The following ACTR3C variants were observed in gnomAD, a reference collection of about 807,000 sequenced individuals.
ACTR3C encodes actin related protein 3C.
Under a neutral mutation model 26.3 loss-of-function variants are expected in ACTR3C, and 18 were observed. That is an observed-to-expected ratio of 0.68 (90% CI 0.47 to 1.01). The LOEUF (loss-of-function observed/expected upper bound fraction) is 1.01. Among genes scored for constraint, ACTR3C ranks in the 50% least tolerant of loss-of-function variants. The probability of loss-of-function intolerance (pLI) is 0.00; values close to 1 mark genes in which losing one functional copy is unlikely to be tolerated. For missense variants in ACTR3C, 184 were observed against 250.7 expected (o/e 0.73, Z 1.80); for synonymous variants, 55 against 94.5 (o/e 0.58, Z 2.42).
intron 6 of ACTR3C, among the ~76,000 whole-genome samples, chr7:150,257,873 G>A (rs1391228711): frequency 6.6e-6 from 1 of 152,010 alleles, no homozygotes; most frequent in Non-Finnish European, 1.5e-5. Flanking sequence ...AATAAGTTTG[G>A]TGGTGGCTCT....
chr7:150,320,096 T>C (rs1003699231), intron 1 of ACTR3C, among the ~76,000 whole-genome samples: 11 of 152,238 alleles, frequency 7.2e-5, no homozygotes, highest in Middle Eastern at 3.2e-3. Context: ...TCTGAGCCCA[T>C]AGTGTGGATC....
At chr7:149,919,809 C>T in the ACTR3C span, among the ~76,000 whole-genome samples, 1 of 151,874 alleles carries the variant, frequency 6.6e-6, no homozygotes, top group Non-Finnish European at 1.5e-5. Context: ...CAAAGGTATA[C>T]AAAGTCTGTT....
chr7:149,972,990 G>C, the ACTR3C span, among the ~76,000 whole-genome samples: 22 of 151,628 alleles, frequency 1.5e-4, no homozygotes, highest in Non-Finnish European at 2.9e-4. Flanking sequence ...GGTAAGCCCC[G>C]TGCATGGGCA....
At chr7:150,047,083 TAGG>T in the ACTR3C span, among the ~76,000 whole-genome samples, 2 of 150,798 alleles carry the variant, frequency 1.3e-5, no homozygotes, top group African/African-American at 4.9e-5. Flanking sequence ...AAAAAGTGTC[TAGG>T]AGAAGTAAGA....
the ACTR3C span, among the ~76,000 whole-genome samples, chr7:150,029,709 G>T: frequency 6.6e-6 from 1 of 151,982 alleles, no homozygotes; most frequent in Non-Finnish European, 1.5e-5. Flanking sequence ...GACTCCCCAT[G>T]ACCTTAAAAA....
chr7:150,314,767 T>G (rs1311333349), intron 1 of ACTR3C, among the ~76,000 whole-genome samples: 1 of 128,104 alleles, frequency 7.8e-6, no homozygotes, highest in Admixed American at 8.4e-5. Flanking sequence ...AAATCCCATC[T>G]CTCCAAAAAA....
the ACTR3C span, among the ~76,000 whole-genome samples, chr7:149,926,998 G>A: frequency 6.6e-6 from 1 of 151,958 alleles, no homozygotes; most frequent in African/African-American, 2.4e-5. Context: ...ACAGCACGCA[G>A]GGCCTCATTA....
the ACTR3C span, among the ~76,000 whole-genome samples, chr7:150,092,903 CT>C: frequency 6.6e-6 from 1 of 151,440 alleles, no homozygotes; most frequent in Non-Finnish European, 1.5e-5. Context: ...CCAGAACCCC[CT>C]GTGGATACCG....
the ACTR3C span, among the ~76,000 whole-genome samples, chr7:150,165,472 T>C: frequency 6.6e-6 from 1 of 151,502 alleles, no homozygotes; most frequent in East Asian, 1.9e-4. Context: ...TTTGTTTATG[T>C]ACTTTCTTGG....
the ACTR3C span, among the ~76,000 whole-genome samples, chr7:150,091,407 G>A: frequency 2.4e-5 from 1 of 42,510 alleles, no homozygotes; most frequent in South Asian, 8.0e-4. Flanking sequence ...TGGCTCTCTG[G>A]GTGTGCTACA....
intron 1 of ACTR3C, among the ~76,000 whole-genome samples, chr7:150,321,416 C>T (rs943505649): frequency 2.6e-5 from 4 of 152,176 alleles, no homozygotes; most frequent in African/African-American, 4.8e-5. Flanking sequence ...CTTCCATCTC[C>T]GAGGCATGGA....
chr7:149,915,477 T>C, the ACTR3C span, among the ~76,000 whole-genome samples: 6 of 151,790 alleles, frequency 4.0e-5, no homozygotes, highest in Non-Finnish European at 5.9e-5. Context: ...AGCAGACAAA[T>C]AGAGACATGC....
At chr7:149,933,248 C>T in the ACTR3C span, among the ~76,000 whole-genome samples, 1 of 151,618 alleles carries the variant, frequency 6.6e-6, no homozygotes, top group Non-Finnish European at 1.5e-5. Context: ...TAAATCACCT[C>T]CAAATCCATC....
the ACTR3C span, among the ~76,000 whole-genome samples, chr7:150,036,640 G>T: frequency 7.0e-6 from 1 of 142,310 alleles, no homozygotes; most frequent in African/African-American, 2.5e-5. Flanking sequence ...CAGCTCCTAA[G>T]AATTCTCTCA....
chr7:150,220,935 C>A, the ACTR3C span, among the ~76,000 whole-genome samples: 2 of 152,416 alleles, frequency 1.3e-5, no homozygotes, highest in Admixed American at 6.5e-5. Context: ...CTCTTGCCTA[C>A]AGCTCCTGCG....
chr7:150,149,741 C>G, the ACTR3C span, among the ~76,000 whole-genome samples: 3 of 152,080 alleles, frequency 2.0e-5, no homozygotes, highest in Non-Finnish European at 4.4e-5. Flanking sequence ...AAATGCAATA[C>G]AGTGACTTTT....
chr7:150,194,737 T>A, the ACTR3C span, among the ~76,000 whole-genome samples: 1 of 152,162 alleles, frequency 6.6e-6, no homozygotes, highest in East Asian at 1.9e-4. Flanking sequence ...ACACATTTTA[T>A]TGGTGGTTGC....
the ACTR3C span, among the ~76,000 whole-genome samples, chr7:150,148,104 C>A: frequency 4.1e-5 from 6 of 145,386 alleles, no homozygotes; most frequent in Non-Finnish European, 6.0e-5. Context: ...CATGAGTTTA[C>A]CCTTTACCTA....
intron 2 of ACTR3C, among the ~76,000 whole-genome samples, chr7:150,293,842 G>A (rs1244700241): frequency 6.6e-6 from 1 of 152,160 alleles, no homozygotes; most frequent in Non-Finnish European, 1.5e-5. Flanking sequence ...AGACTGAGGT[G>A]GGAGGATCCC....
Sources: gnomAD v4.1 joint callset for allele counts (sites outside exome capture counted in the v4.1 genomes callset) on GRCh38, gnomAD v4.1.1 for gene constraint, MANE v1.5 for transcripts, NCBI Gene and HGNC (gene_info 2026-07-23, HGNC 2026-07-21) for gene names.